Variants in CDK15 observed in about 807,000 individuals in gnomAD.
The protein encoded by CDK15 is cyclin-dependent kinase 15.
A neutral mutation model predicts 60.3 loss-of-function variants in CDK15; 62 were observed. That is an observed-to-expected ratio of 1.03 (90% CI 0.84 to 1.27). The LOEUF is 1.27. Ranked by LOEUF, CDK15 falls within the 50% of genes most tolerant of loss-of-function variation. CDK15 has a pLI of 0.00. For synonymous variants in CDK15, 194 were observed against 195.7 expected, an observed-to-expected ratio of 0.99 and a Z score of 0.07; for missense variants, 541 against 527.8, an observed-to-expected ratio of 1.03 and a Z score of -0.25.
At chr2:201,808,932 T>C (rs907595665) in intron 3 of CDK15, 1 of 151,034 alleles carries the variant, frequency 6.6e-6, no homozygotes. Context: ...ATATATTTAT[T>C]TATTTATTTA....
chr2:201,856,244 G>A (rs1698141264), intron 10 of CDK15, among the ~76,000 whole-genome samples: 1 of 152,086 alleles, frequency 6.6e-6, no homozygotes, highest in African/African-American at 2.4e-5. Context: ...AGGGAGCTGG[G>A]GACTCTTTTT....
At chr2:201,837,454 GGAAGGAA>G in intron 8 of CDK15, among the ~76,000 whole-genome samples, 1 of 3,288 alleles carries the variant, frequency 3.0e-4, no homozygotes, top group African/African-American at 2.0e-3. Flanking sequence ...AGGAAAGGAA[GGAAGGAA>G]GGAAGGAAGG....
Position 201,854,227 on chromosome 2 carries a change from T to C in CDK15, c.946-647T>C, listed in dbSNP as rs141703279. On this transcript the variant is annotated intron_variant, in intron 9 of 13. Coordinates refer to ENST00000652192, the MANE Select transcript of CDK15 (RefSeq NM_001366386.2). ...CATAGACCAGCCCTTTTTCAAGTGA[T>C]GTTGTTCCCATGACAATCCATCAGT... Among the ~76,000 whole-genome samples, 82 of 151,474 alleles carry C rather than the reference T, an allele frequency of 5.4e-4. 1 individual carries two copies. Among genetic ancestry groups the C allele is most frequent in the African/African-American group, 1.7e-3 (72 of 41,320 alleles).
chr2:201,859,165 C>A lies in CDK15; in HGVS notation c.1009+4228C>A, dbSNP rs114672623. ...ACAGGAAGCAATAAAGAACCGCAAG[C>A]TGGAGAGGATTCTGCTATCAGAAAG... On this transcript the variant is annotated intron_variant, in intron 10 of 13. Coordinates refer to ENST00000652192, the MANE Select transcript of CDK15 (RefSeq NM_001366386.2). 2.7e-3 allele frequency among the ~76,000 whole-genome samples: 405 copies of A among 152,222 alleles called. 4 individuals are homozygous for A. The highest frequency in any genetic ancestry group is 9.4e-3 in the African/African-American group (390 of 41,542).
intron 6 of CDK15, among the ~76,000 whole-genome samples, chr2:201,831,693 T>G (rs1199678935): frequency 6.6e-6 from 1 of 152,152 alleles, no homozygotes; most frequent in Admixed American, 6.5e-5. Flanking sequence ...GGACTGTGGC[T>G]AGTTAGTGAA....
intron 8 of CDK15, among the ~76,000 whole-genome samples, chr2:201,836,733 G>GTGTGTGCACGTGCATA (rs1197245402): frequency 6.6e-6 from 1 of 150,874 alleles, no homozygotes; most frequent in African/African-American, 2.4e-5. Context: ...GCACGTGCAT[G>GTGTGTGCACGTGCATA]TGCATGCACA....
intron 10 of CDK15, among the ~76,000 whole-genome samples, chr2:201,867,604 C>A (rs560988997): frequency 6.6e-6 from 1 of 152,140 alleles, no homozygotes; most frequent in African/African-American, 2.4e-5. Flanking sequence ...GCACTCCAGC[C>A]TGGGCAACAG....
chr2:201,828,612 A>G (rs1181091899), intron 6 of CDK15, among the ~76,000 whole-genome samples: 2 of 152,196 alleles, frequency 1.3e-5, no homozygotes, highest in Admixed American at 1.3e-4. Flanking sequence ...TATTGTGGGT[A>G]TATGGAGGCA....
chr2:201,828,456 C>T (rs751836220), intron 6 of CDK15, among the ~76,000 whole-genome samples: 73 of 152,052 alleles, frequency 4.8e-4, no homozygotes, highest in Non-Finnish European at 3.2e-4. Context: ...AAAATACACA[C>T]TGTCATGGAA....
intron 3 of CDK15, among the ~76,000 whole-genome samples, chr2:201,809,877 T>C (rs1049209367): frequency 1.3e-5 from 2 of 152,190 alleles, no homozygotes; most frequent in Non-Finnish European, 2.9e-5. Flanking sequence ...TGCACACAGC[T>C]GACTCCCCCT....
intron 9 of CDK15, among the ~76,000 whole-genome samples, chr2:201,854,146 C>T (rs1698035804): frequency 6.6e-6 from 1 of 152,042 alleles, no homozygotes; most frequent in Non-Finnish European, 1.5e-5. Flanking sequence ...TGCACTCCAG[C>T]CTGGGCGACA....
At chr2:201,858,986 G>A (rs1698266277) in intron 10 of CDK15, among the ~76,000 whole-genome samples, 1 of 152,106 alleles carries the variant, frequency 6.6e-6, no homozygotes, top group African/African-American at 2.4e-5. Context: ...AGGCGCCCGT[G>A]ATTGGCTGAA....
At chr2:201,857,656 T>G (rs1698203778) in intron 10 of CDK15, among the ~76,000 whole-genome samples, 3 of 152,200 alleles carry the variant, frequency 2.0e-5, no homozygotes, top group Admixed American at 2.0e-4. Context: ...AGTTGGAACC[T>G]TAGCCATAGA....
intron 9 of CDK15, among the ~76,000 whole-genome samples, chr2:201,850,112 C>G (rs944664463): frequency 3.9e-5 from 6 of 152,134 alleles, no homozygotes; most frequent in Admixed American, 2.6e-4. Context: ...CGTGAGCCAC[C>G]GCGCCCAGCC....
At chr2:201,872,673 G>T (rs1466728659) in intron 11 of CDK15, among the ~76,000 whole-genome samples, 2 of 151,188 alleles carry the variant, frequency 1.3e-5, no homozygotes, top group Admixed American at 1.3e-4. Flanking sequence ...TATTGGAGGG[G>T]GGGCAACTTG....
chr2:201,808,135 C>G lies in CDK15; in HGVS notation c.368+183C>G, dbSNP rs62193442. 5.5e-4 allele frequency among the ~76,000 whole-genome samples: 84 copies of G among 152,306 alleles called. 1 individual carries two copies. Among genetic ancestry groups the G allele is most frequent in the Non-Finnish European group, 8.2e-4 (56 of 68,022 alleles). ...GCCTTGAAAGAAAAACAAACCTGCC[C>G]TGCCCTAATTAAAATCAGCCCACTT... is the stretch of plus-strand genomic sequence containing the variant. On this transcript the variant is annotated intron_variant, in intron 3 of 13. Coordinates refer to ENST00000652192, the MANE Select transcript of CDK15 (RefSeq NM_001366386.2).
intron 10 of CDK15, chr2:201,860,788 C>G (rs755603505): frequency 3.7e-6 from 5 of 1,352,040 alleles, no homozygotes; most frequent in East Asian, 4.5e-5. Flanking sequence ...CGGACAGCAT[C>G]GTACTGCAGC....
intron 4 of CDK15, among the ~76,000 whole-genome samples, chr2:201,819,407 TGAG>T (rs1292728245): frequency 6.6e-6 from 1 of 151,988 alleles, no homozygotes; most frequent in Non-Finnish European, 1.5e-5. Context: ...GATGGGAGTG[TGAG>T]GAGATGACAG....
At chr2:201,892,347 G>A (rs1465315044) in intron 13 of CDK15, among the ~76,000 whole-genome samples, 1 of 152,110 alleles carries the variant, frequency 6.6e-6, no homozygotes, top group East Asian at 1.9e-4. Flanking sequence ...GATACTAATG[G>A]AAATGGGCTC....
Sources: allele counts gnomAD v4.1 joint callset (sites outside exome capture counted in the v4.1 genomes callset), GRCh38; gene constraint gnomAD v4.1.1; transcripts MANE v1.5; gene names NCBI Gene and HGNC (gene_info 2026-07-23, HGNC 2026-07-21).